Variants in CACNA2D1 observed in about 807,000 individuals in gnomAD.
CACNA2D1 encodes the protein calcium voltage-gated channel auxiliary subunit alpha2delta 1.
In CACNA2D1, 53 loss-of-function variants were observed where a neutral mutation model predicts 171.5. The observed-to-expected ratio is 0.31, with a 90% CI of 0.25 to 0.39. The LOEUF (loss-of-function observed/expected upper bound fraction) is 0.39. CACNA2D1 is among the 10% of genes least tolerant of loss of function. The pLI is 1.00. For synonymous variants in CACNA2D1, 442 were observed against 443.1 expected (o/e 1.00, Z 0.03); for missense variants, 903 against 1,299.8 (o/e 0.69, Z 4.69).
At chr7:82,110,586 G>A (rs116854130) in intron 6 of CACNA2D1, among the ~76,000 whole-genome samples, 709 of 152,250 alleles carry the variant, frequency 4.7e-3, no homozygotes, top group Middle Eastern at 0.014. Context: ...CTGACATGGC[G>A]TCTGCTGCTA....
chr7:82,003,097 G>T (rs1379593001), intron 18 of CACNA2D1, among the ~76,000 whole-genome samples: 1 of 151,990 alleles, frequency 6.6e-6, no homozygotes, highest in Non-Finnish European at 1.5e-5. Context: ...ATGAGGTCTT[G>T]TATCAATCTG....
chr7:82,229,000 T>C (rs1057112971), intron 3 of CACNA2D1, among the ~76,000 whole-genome samples: 2 of 152,172 alleles, frequency 1.3e-5, no homozygotes, highest in Admixed American at 6.5e-5. Context: ...CTATTCCATA[T>C]ATGTCACAGA....
At chr7:82,109,631 C>T (rs4732423) in intron 6 of CACNA2D1, among the ~76,000 whole-genome samples, 80,238 of 152,026 alleles carry the variant, frequency 0.53, 21,877 homozygotes, top group African/African-American at 0.67. Context: ...AATTATTTGA[C>T]TGTTGTTCAT....
chr7:82,262,830 T>C (rs570930384), intron 3 of CACNA2D1, among the ~76,000 whole-genome samples: 2 of 152,192 alleles, frequency 1.3e-5, no homozygotes, highest in East Asian at 3.9e-4. Context: ...ACTCTCTCCT[T>C]CCTCCCTTCT....
Position 82,147,127 on chromosome 7 carries a change from A to G in CACNA2D1, c.355-10451T>C, listed in dbSNP as rs952627668. 2.8e-4 allele frequency among the ~76,000 whole-genome samples: 43 copies of G among 152,048 alleles called. 1 individual carries two copies. Among genetic ancestry groups the G allele is most frequent in the Admixed American group, 2.6e-3 (39 of 15,260 alleles). On this transcript the variant is annotated intron_variant, in intron 4 of 38. Coordinates refer to ENST00000356860, the MANE Select transcript of CACNA2D1 (RefSeq NM_000722.4). ...AGTGTAGAGCTTTACAAAAGCTCGA[A>G]TAAGTTAAAAGGTAGGCTACTTTCA...
chr7:82,418,129 C>T (rs937200857), intron 1 of CACNA2D1, among the ~76,000 whole-genome samples: 1 of 152,204 alleles, frequency 6.6e-6, no homozygotes, highest in Non-Finnish European at 1.5e-5. Context: ...GAATCAAACA[C>T]ATCCTTCTTC....
intron 3 of CACNA2D1, among the ~76,000 whole-genome samples, chr7:82,198,647 A>T (rs983918592): frequency 6.6e-6 from 1 of 151,516 alleles, no homozygotes; most frequent in Non-Finnish European, 1.5e-5. Flanking sequence ...TTACATTCAA[A>T]CACAAAGAGA....
chr7:81,955,983 T>A (rs1376189545), intron 38 of CACNA2D1, among the ~76,000 whole-genome samples: 187 of 42,150 alleles, frequency 4.4e-3, no homozygotes, highest in African/African-American at 0.019. Context: ...TATATATATT[T>A]TTTTTTTTTT....
At chr7:82,423,839 G>T (rs1828936880) in intron 1 of CACNA2D1, among the ~76,000 whole-genome samples, 1 of 152,090 alleles carries the variant, frequency 6.6e-6, no homozygotes, top group South Asian at 2.1e-4. Context: ...CTACTCTGAG[G>T]CTGCTAATCT....
chr7:82,000,542 C>G (rs960901038), intron 18 of CACNA2D1, among the ~76,000 whole-genome samples: 3 of 151,968 alleles, frequency 2.0e-5, no homozygotes, highest in Admixed American at 2.0e-4. Flanking sequence ...TAATTCACAG[C>G]TTATCCATCT....
chr7:82,262,326 G>T (rs1326127543), intron 3 of CACNA2D1, among the ~76,000 whole-genome samples: 7 of 152,112 alleles, frequency 4.6e-5, no homozygotes, highest in Admixed American at 4.6e-4. Flanking sequence ...GTGAGACTCT[G>T]TCTCAAAAAT....
intron 3 of CACNA2D1, among the ~76,000 whole-genome samples, chr7:82,259,444 G>C (rs1156479014): frequency 6.6e-6 from 1 of 151,946 alleles, no homozygotes; most frequent in East Asian, 1.9e-4. Flanking sequence ...TTGTTATTTG[G>C]AATACTAATG....
intron 6 of CACNA2D1, among the ~76,000 whole-genome samples, chr7:82,115,682 TAATAAA>T (rs1436762889): frequency 6.6e-6 from 1 of 151,450 alleles, no homozygotes; most frequent in Non-Finnish European, 1.5e-5. Flanking sequence ...ATAAAATTTA[TAATAAA>T]AAGAATCATA....
intron 6 of CACNA2D1, among the ~76,000 whole-genome samples, chr7:82,086,889 T>C (rs1810543014): frequency 6.6e-6 from 1 of 152,140 alleles, no homozygotes; most frequent in African/African-American, 2.4e-5. Context: ...TATACTTTTA[T>C]AAACTGAGGG....
At chr7:82,156,481 G>C (rs998652263) in intron 4 of CACNA2D1, among the ~76,000 whole-genome samples, 7 of 152,070 alleles carry the variant, frequency 4.6e-5, no homozygotes, top group African/African-American at 7.2e-5. Flanking sequence ...AGTTCTCTCT[G>C]TGTAATCAAC....
At chr7:82,144,275 G>A (rs1227341914) in intron 4 of CACNA2D1, among the ~76,000 whole-genome samples, 1 of 151,682 alleles carries the variant, frequency 6.6e-6, no homozygotes, top group Non-Finnish European at 1.5e-5. Flanking sequence ...TGTTTTCTTC[G>A]AATCTGATTT....
intron 1 of CACNA2D1, among the ~76,000 whole-genome samples, chr7:82,425,778 G>A (rs1330349115): frequency 6.6e-6 from 1 of 150,544 alleles, no homozygotes; most frequent in African/African-American, 2.4e-5. Flanking sequence ...TTACAAGTGT[G>A]AGCCACCGCG....
intron 3 of CACNA2D1, among the ~76,000 whole-genome samples, chr7:82,290,828 T>G (rs1811435841): frequency 6.6e-6 from 1 of 151,846 alleles, no homozygotes; most frequent in Admixed American, 6.6e-5. Flanking sequence ...ACTCCCGACC[T>G]CAGGTGATCC....
chr7:81,953,901 T>A (rs1012288061), intron 38 of CACNA2D1, among the ~76,000 whole-genome samples: 5 of 152,138 alleles, frequency 3.3e-5, no homozygotes, highest in African/African-American at 4.8e-5. Context: ...TAATTTTTGT[T>A]TAATTTCCTC....
Sources: gnomAD v4.1 joint callset for allele counts (sites outside exome capture counted in the v4.1 genomes callset) on GRCh38, gnomAD v4.1.1 for gene constraint, MANE v1.5 for transcripts, NCBI Gene and HGNC (gene_info 2026-07-23, HGNC 2026-07-21) for gene names.